Variants in GSK3B observed in about 807,000 individuals in gnomAD.
The protein encoded by GSK3B is glycogen synthase kinase-3 beta.
In GSK3B, 15 loss-of-function variants were observed where a neutral mutation model predicts 56.4. That is an observed-to-expected ratio of 0.27 (90% CI 0.18 to 0.41). GSK3B has a LOEUF of 0.41. Among genes scored for constraint, GSK3B ranks in the 10% least tolerant of loss-of-function variants. GSK3B has a pLI of 1.00. For synonymous variants in GSK3B, 181 were observed against 188.9 expected, an observed-to-expected ratio of 0.96 and a Z score of 0.34; for missense variants, 300 against 513.4, an observed-to-expected ratio of 0.58 and a Z score of 4.02.
At chr3:120,087,835 T>C (rs544296609) in intron 1 of GSK3B, among the ~76,000 whole-genome samples, 1 of 151,858 alleles carries the variant, frequency 6.6e-6, no homozygotes, top group East Asian at 1.9e-4. Context: ...TCCCAAAATA[T>C]AAGCAAAAAT....
At chr3:120,054,697 A>G (rs1346928224) in intron 1 of GSK3B, among the ~76,000 whole-genome samples, 1 of 151,978 alleles carries the variant, frequency 6.6e-6, no homozygotes, top group Non-Finnish European at 1.5e-5. Flanking sequence ...TCCTTCACCT[A>G]CTTATGCTAC....
intron 4 of GSK3B, among the ~76,000 whole-genome samples, chr3:119,917,205 T>G (rs886613946): frequency 5.9e-5 from 9 of 152,220 alleles, no homozygotes; most frequent in African/African-American, 2.2e-4. Context: ...TAAAAGCTAC[T>G]GCTAAGGCTT....
At chr3:119,863,823 G>A (rs921956064) in intron 8 of GSK3B, among the ~76,000 whole-genome samples, 4 of 152,132 alleles carry the variant, frequency 2.6e-5, no homozygotes, top group African/African-American at 9.7e-5. Flanking sequence ...ATCTATATAT[G>A]CTAATCATAA....
chr3:119,977,772 TA>T (rs1162037680), intron 2 of GSK3B, among the ~76,000 whole-genome samples: 1 of 152,024 alleles, frequency 6.6e-6, no homozygotes, highest in African/African-American at 2.4e-5. Context: ...ATAAAACCAA[TA>T]GGGGGAAAAA....
At position 119,923,353 on chromosome 3, in the gene GSK3B, A is replaced by G. The variant is rs771897482; in HGVS notation, c.477+20T>C. Reference sequence around the variant, plus strand: ...TAAAAAATGTTTTCTAAAATGGAAAATTGTTATGTTTTTACATACCTTGAC... The same window carrying G: ...TAAAAAATGTTTTCTAAAATGGAAAGTTGTTATGTTTTTACATACCTTGAC... On this transcript the variant is annotated intron_variant, in intron 4 of 10. Coordinates refer to ENST00000264235, the MANE Select transcript of GSK3B (RefSeq NM_001146156.2). The G allele has an allele frequency of 5.4e-6, 7 of 1,290,294 alleles. No individual in the cohort carries two copies. The South Asian group carries it at 8.6e-5, about 16-fold the overall frequency. The allele number at this position is 1,290,294 out of a possible 1,614,324, so 79.9% of individuals were successfully genotyped here. A position where few individuals can be genotyped will look rare whatever the true frequency, so the allele number is the denominator to read the frequency against.
intron 1 of GSK3B, among the ~76,000 whole-genome samples, chr3:120,073,368 G>A (rs1208983099): frequency 6.6e-6 from 1 of 151,940 alleles, no homozygotes; most frequent in Non-Finnish European, 1.5e-5. Flanking sequence ...GCCTGGGCAA[G>A]AGAGCAAGAC....
At chr3:119,940,316 C>T (rs1021560113) in intron 3 of GSK3B, among the ~76,000 whole-genome samples, 1 of 152,184 alleles carries the variant, frequency 6.6e-6, no homozygotes, top group South Asian at 2.1e-4. Context: ...ACCATTCATA[C>T]TCAAATTGAT....
chr3:120,044,201 TCAGCCCCCAAGGGCCATCCAGCTTC>T (rs1277536341), intron 1 of GSK3B, among the ~76,000 whole-genome samples: 1 of 152,152 alleles, frequency 6.6e-6, no homozygotes, highest in Admixed American at 6.6e-5. Context: ...ACCCTGTGGG[TCAGCCCCCAAGGGCCATCCAGCTTC>T]CATCTCTCAA....
intron 3 of GSK3B, among the ~76,000 whole-genome samples, chr3:119,935,330 A>G (rs958157090): frequency 1.3e-5 from 2 of 152,154 alleles, no homozygotes; most frequent in African/African-American, 4.8e-5. Context: ...ATAGTAAGAT[A>G]AAGAGAGAGG....
chr3:120,094,365 T>C lies in GSK3B; in HGVS notation c.-931A>G. On this transcript the variant is annotated 5_prime_UTR_variant, in exon 1 of 11. Transcript: ENST00000264235. ...GGCCGGCTCCTCCTCGCTTCCTTCC[T>C]TCCTTTGTCACTTGGCCCGGGCGGC... is the stretch of plus-strand genomic sequence containing the variant. 6.7e-6 allele frequency: 2 copies of C among 297,670 alleles called. No homozygotes were observed. Among genetic ancestry groups the C allele is most frequent in the South Asian group, 4.8e-5 (1 of 20,838 alleles). The allele number at this position is 297,670 out of a possible 1,614,324, so 18.4% of individuals were successfully genotyped here.
rs2058440595 is a variant in GSK3B at position 120,083,654 on chromosome 3, G to A, written c.88+9693C>T. Among the ~76,000 whole-genome samples the A allele has an allele frequency of 2.6e-5, 4 of 152,082 alleles. No homozygotes were observed. In the South Asian group the frequency reaches 8.3e-4, roughly 31 times the overall value. ...TATCACCCAGCCATTCCACTACTTA[G>A]GTATATACCCCAAAAGATCTGAAAA... On this transcript the variant is annotated intron_variant, in intron 1 of 10. Transcript: ENST00000264235.
intron 7 of GSK3B, among the ~76,000 whole-genome samples, chr3:119,878,490 G>A (rs1351064267): frequency 1.3e-5 from 2 of 152,138 alleles, no homozygotes; most frequent in African/African-American, 4.8e-5. Context: ...AGCAACTGAA[G>A]CTCTCACCAT....
intron 2 of GSK3B, among the ~76,000 whole-genome samples, chr3:119,991,132 T>TA (rs1559866882): frequency 6.6e-6 from 1 of 152,096 alleles, no homozygotes; most frequent in Non-Finnish European, 1.5e-5. Flanking sequence ...ACATGCAACT[T>TA]ACTGATTTTC....
chr3:119,844,078 G>C (rs899702872), intron 9 of GSK3B, among the ~76,000 whole-genome samples: 9 of 152,138 alleles, frequency 5.9e-5, no homozygotes, highest in South Asian at 2.1e-4. Flanking sequence ...TGACTACTGG[G>C]TAAATAACGA....
intron 1 of GSK3B, among the ~76,000 whole-genome samples, chr3:120,044,277 T>C (rs1043554428): frequency 3.9e-5 from 6 of 152,320 alleles, no homozygotes; most frequent in East Asian, 1.9e-4. Context: ...TGGGAAAAAC[T>C]TGGCGTTCCT....
intron 3 of GSK3B, among the ~76,000 whole-genome samples, chr3:119,929,098 T>C (rs2056918085): frequency 6.6e-6 from 1 of 152,164 alleles, no homozygotes; most frequent in Non-Finnish European, 1.5e-5. Context: ...GATAAGATGA[T>C]ATGCAAAACT....
chr3:120,078,416 G>C (rs1456996166), intron 1 of GSK3B, among the ~76,000 whole-genome samples: 1 of 152,022 alleles, frequency 6.6e-6, no homozygotes. Context: ...AACGACCCAG[G>C]AATTGGCCCA....
chr3:119,996,020 G>A (rs530666407), intron 2 of GSK3B, among the ~76,000 whole-genome samples: 20 of 152,304 alleles, frequency 1.3e-4, no homozygotes, highest in African/African-American at 4.8e-4. Context: ...TTACAAGCGT[G>A]AGCCACCACT....
At chr3:119,878,614 C>T (rs1253850328) in intron 7 of GSK3B, among the ~76,000 whole-genome samples, 2 of 152,000 alleles carry the variant, frequency 1.3e-5, no homozygotes, top group Non-Finnish European at 2.9e-5. Flanking sequence ...TAGGTACATA[C>T]CCAAGAGAAA....
Sources: allele counts gnomAD v4.1 joint callset (sites outside exome capture counted in the v4.1 genomes callset), GRCh38; gene constraint gnomAD v4.1.1; transcripts MANE v1.5; gene names NCBI Gene and HGNC (gene_info 2026-07-23, HGNC 2026-07-21).